The following ANTXRL variants were observed in gnomAD, a reference collection of about 807,000 sequenced individuals.
The protein encoded by ANTXRL is anthrax toxin receptor-like.
Under a neutral mutation model 75.4 loss-of-function variants are expected in ANTXRL, and 63 were observed. That is an observed-to-expected ratio of 0.84 (90% CI 0.68 to 1.03). The LOEUF (loss-of-function observed/expected upper bound fraction) is 1.03. Among genes scored for constraint, ANTXRL ranks in the 50% least tolerant of loss-of-function variants. The probability of loss-of-function intolerance (pLI) is 0.00; values close to 1 mark genes in which losing one functional copy is unlikely to be tolerated. For missense variants in ANTXRL, 797 were observed against 789.4 expected (o/e 1.01, Z -0.12); for synonymous variants, 335 against 291.3 (o/e 1.15, Z -1.53).
intron 16 of ANTXRL, among the ~76,000 whole-genome samples, chr10:46,326,205 G>C (rs191595781): frequency 1.3e-5 from 2 of 152,174 alleles, no homozygotes; most frequent in Admixed American, 1.3e-4. Flanking sequence ...AGTAGAGATG[G>C]ATAAAAGGAA....
At chr10:46,307,588 C>T (rs1202396444) in intron 12 of ANTXRL, 108 bp downstream of exon 12, 16 of 1,101,470 alleles carry the variant, frequency 1.5e-5, no homozygotes, top group African/African-American at 4.7e-5. Context: ...CAGAAAGTAG[C>T]GTGTGCAGCA....
chr10:46,290,102 C>T (rs377373272), intron 1 of ANTXRL, among the ~76,000 whole-genome samples: 10 of 133,994 alleles, frequency 7.5e-5, no homozygotes, highest in Admixed American at 9.0e-5. Flanking sequence ...AGTTCAGCGG[C>T]GCGATCTCGG....
intron 5 of ANTXRL, among the ~76,000 whole-genome samples, chr10:46,296,801 C>T (rs1480455027): frequency 6.6e-6 from 1 of 152,176 alleles, no homozygotes; most frequent in Non-Finnish European, 1.5e-5. Flanking sequence ...GAGATGCCGG[C>T]AGGGCTGCCT....
At chr10:46,326,582 G>A (rs1332682857) in intron 16 of ANTXRL, among the ~76,000 whole-genome samples, 1 of 152,136 alleles carries the variant, frequency 6.6e-6, no homozygotes, top group African/African-American at 2.4e-5. Context: ...ACAGAGGAGA[G>A]CACTGACCAG....
rs1428345415 is a variant in ANTXRL at position 46,293,309 on chromosome 10, T to TGC, written c.321-518_321-517dup. On this transcript the variant is annotated intron_variant, in intron 2 of 16. Coordinates refer to ENST00000620264, the MANE Select transcript of ANTXRL (RefSeq NM_001278688.3). ...GTGTGCGTGTGTGCCTGTGTGTGTG[T>TGC]GCGTGTGTGCCTGTGTGTGAGTGTG... 2.2e-5 allele frequency among the ~76,000 whole-genome samples: 3 copies of TGC among 138,426 alleles called. No homozygotes were observed. In the East Asian group the frequency reaches 6.4e-4, roughly 29 times the overall value. The allele number at this position is 138,426 out of a possible 152,430, so 90.8% of individuals were successfully genotyped here.
At chr10:46,304,156 A>G (rs1200793475) in intron 10 of ANTXRL, among the ~76,000 whole-genome samples, 1 of 152,142 alleles carries the variant, frequency 6.6e-6, no homozygotes, top group African/African-American at 2.4e-5. Flanking sequence ...AAGGAAAGCT[A>G]ATGCTTACTG....
At chr10:46,300,993 C>A (rs1249103243) in intron 9 of ANTXRL, among the ~76,000 whole-genome samples, 10 of 149,674 alleles carry the variant, frequency 6.7e-5, no homozygotes, top group South Asian at 4.2e-4. Context: ...TCCCACCCCC[C>A]CTCTCTCTTC....
At chr10:46,291,901 G>A (rs1418742371) in intron 1 of ANTXRL, among the ~76,000 whole-genome samples, 157 bp from the exon 2 acceptor site, 1 of 152,088 alleles carries the variant, frequency 6.6e-6, no homozygotes, top group African/African-American at 2.4e-5. Flanking sequence ...TCATGACCTC[G>A]GATGATCCAG....
intron 9 of ANTXRL, among the ~76,000 whole-genome samples, chr10:46,300,021 C>T (rs1837622635): frequency 6.6e-6 from 1 of 152,214 alleles, no homozygotes; most frequent in Non-Finnish European, 1.5e-5. Flanking sequence ...CTGTGCTCCT[C>T]TGATGATGTC....
intron 16 of ANTXRL, among the ~76,000 whole-genome samples, chr10:46,325,711 C>T (rs561369366): frequency 1.3e-5 from 2 of 150,990 alleles, no homozygotes; most frequent in East Asian, 1.9e-4. Context: ...CTGCTTTGGT[C>T]TGCAGGGTTG....
At chr10:46,321,468 G>A (rs1565052852) in intron 16 of ANTXRL, among the ~76,000 whole-genome samples, 1 of 152,148 alleles carries the variant, frequency 6.6e-6, no homozygotes, top group Non-Finnish European at 1.5e-5. Flanking sequence ...GGGCCTTTCT[G>A]AGTTGTGAAA....
Position 46,329,806 on chromosome 10 carries a change from A to G in ANTXRL, c.1618A>G (p.Ser540Gly), listed in dbSNP as rs782573373. The change falls in exon 17 of 17, where the codon AGC becomes GGC. Residue 540 changes from serine (S) to glycine (G), a missense_variant. Transcript: ENST00000620264. Reference protein sequence around the residue: ...PNICLRHSQHSRECLARKQAP... With the variant: ...PNICLRHSQHGRECLARKQAP... ...CATCTGCCTGAGACACAGCCAACAC[A>G]GCAGGGAGTGCCTTGCCCGCAAACA... 4 of 1,532,678 alleles carry G rather than the reference A, an allele frequency of 2.6e-6. No individual in the cohort carries two copies. The highest frequency in any genetic ancestry group is 3.5e-6 in the Non-Finnish European group (4 of 1,146,138). The allele number at this position is 1,532,678 out of a possible 1,614,324, so 94.9% of individuals were successfully genotyped here.
upstream of ANTXRL, chr10:46,286,453 G>A (rs1324614511): frequency 1.3e-5 from 2 of 152,242 alleles, no homozygotes; most frequent in Non-Finnish European, 2.9e-5. Flanking sequence ...ACACTTGTGA[G>A]TGGAGCAGCC....
intron 10 of ANTXRL, among the ~76,000 whole-genome samples, chr10:46,306,185 T>G (rs1588834351): frequency 2.6e-5 from 4 of 152,342 alleles, no homozygotes; most frequent in Middle Eastern, 6.8e-3. Context: ...CTCATCTTTT[T>G]AATCTCAGCT....
rs1839390964 is a variant in ANTXRL, at chr10:46,329,608, C to T, written c.1420C>T (p.Leu474Phe). 2 of 1,535,350 alleles carry T rather than the reference C, an allele frequency of 1.3e-6. No individual in the cohort carries two copies. The highest frequency in any genetic ancestry group is 2.7e-5 in the African/African-American group (2 of 72,970). ...CCQSRDQGRYLSLALAQSQYA... is the reference protein window; with the variant it reads ...CCQSRDQGRYFSLALAQSQYA... ...CTTCTCTTCCCTACAGGGGAGGTAC[C>T]TCAGCTTAGCCCTTGCACAGTCCCA... Residue 474 changes from leucine to phenylalanine, a missense_variant, in exon 17 of 17, where the codon CTC becomes TTC. By Grantham distance (22) the Leu-to-Phe change is conservative (BLOSUM62 0). This residue lies in a region of ANTXRL where 479 missense variants were observed against 422.0 expected (regional missense o/e 1.14). Transcript: ENST00000620264.
At chr10:46,302,133 T>G (rs529998459) in intron 9 of ANTXRL, among the ~76,000 whole-genome samples, 3 of 152,188 alleles carry the variant, frequency 2.0e-5, no homozygotes, top group African/African-American at 7.2e-5. Flanking sequence ...CTGTGATGGA[T>G]TCCCTTGAGC....
At position 46,302,707 on chromosome 10, in the gene ANTXRL, A is replaced by T. The variant is rs1837828493; in HGVS notation, c.797-15A>T. ...TACTCTTCCTCACTCAGCCTTTTGA[A>T]TGTTGTCCTTGCAGAACCCTACCAT... On this transcript the variant is annotated splice_polypyrimidine_tract_variant and intron_variant, in intron 9 of 16. Coordinates refer to ENST00000620264, the MANE Select transcript of ANTXRL (RefSeq NM_001278688.3). 1 of 1,525,476 alleles carries T rather than the reference A, an allele frequency of 6.6e-7. No homozygotes were observed. Among genetic ancestry groups the T allele is most frequent in the Middle Eastern group, 1.7e-4 (1 of 5,984 alleles). 94.5% of individuals were successfully genotyped at this position (1,525,476 alleles called of 1,614,324 possible).
intron 9 of ANTXRL, among the ~76,000 whole-genome samples, chr10:46,299,592 G>C (rs573116815): frequency 2.6e-5 from 4 of 152,288 alleles, no homozygotes; most frequent in African/African-American, 9.6e-5. Context: ...GCATCCAGCA[G>C]CTGGGCTCTG....
At chr10:46,293,303 TGTGTGTGC>T (rs1304563005) in intron 2 of ANTXRL, among the ~76,000 whole-genome samples, 5 of 74,234 alleles carry the variant, frequency 6.7e-5, no homozygotes, top group East Asian at 3.2e-4. Flanking sequence ...TGTGCCTGTG[TGTGTGTGC>T]GTGTGTGCCT....
Sources: allele counts gnomAD v4.1 joint callset (sites outside exome capture counted in the v4.1 genomes callset), GRCh38; gene constraint gnomAD v4.1.1; regional missense constraint gnomAD v4.1.1; transcripts MANE v1.5; gene names NCBI Gene and HGNC (gene_info 2026-07-23, HGNC 2026-07-21).